OLFM3: variants seen among roughly 807,000 people sequenced by gnomAD.
OLFM3 encodes the protein noelin-3.
OLFM3 carries 20 observed loss-of-function variants against 48.6 expected under a neutral mutation model. The observed-to-expected ratio is 0.41, with a 90% CI of 0.29 to 0.60. The LOEUF (loss-of-function observed/expected upper bound fraction) is 0.60, where lower values mean the gene tolerates loss of function less well. Ranked by LOEUF, OLFM3 falls within the 20% of genes least tolerant of loss-of-function variation. The pLI is 0.28. For missense variants in OLFM3, 437 were observed against 544.3 expected (o/e 0.80, Z 1.96); for synonymous variants, 222 against 198.1 (o/e 1.12, Z -1.01).
chr1:101,841,228 T>C (rs1257464661), intron 1 of OLFM3, among the ~76,000 whole-genome samples: 1 of 152,194 alleles, frequency 6.6e-6, no homozygotes, highest in Non-Finnish European at 1.5e-5. Context: ...TTTTTGCTTA[T>C]AAAATCCCTG....
intron 1 of OLFM3, among the ~76,000 whole-genome samples, chr1:101,927,388 G>A (rs1235865563): frequency 6.6e-6 from 1 of 151,964 alleles, no homozygotes; most frequent in African/African-American, 2.4e-5. Flanking sequence ...CAATATGGAG[G>A]AAGACTTGTC....
chr1:101,911,514 A>G (rs1658760192), intron 1 of OLFM3, among the ~76,000 whole-genome samples: 2 of 152,154 alleles, frequency 1.3e-5, no homozygotes, highest in Admixed American at 1.3e-4. Flanking sequence ...ATAATACTCT[A>G]ATACAGTGGA....
intron 1 of OLFM3, among the ~76,000 whole-genome samples, chr1:101,895,435 ACAC>A (rs1658161469): frequency 2.0e-5 from 3 of 151,916 alleles, no homozygotes; most frequent in Admixed American, 6.6e-5. Flanking sequence ...ACACACACAC[ACAC>A]ACACACACAC....
chr1:101,977,501 T>C (rs1320595981), intron 1 of OLFM3, among the ~76,000 whole-genome samples: 1 of 152,156 alleles, frequency 6.6e-6, no homozygotes, highest in Non-Finnish European at 1.5e-5. Context: ...CAAAGATTTG[T>C]TGGATTAAAA....
intron 4 of OLFM3, among the ~76,000 whole-genome samples, chr1:101,823,741 A>G (rs991218457): frequency 6.6e-6 from 1 of 152,068 alleles, no homozygotes; most frequent in Non-Finnish European, 1.5e-5. Flanking sequence ...TATTATATAT[A>G]GTTGATTGTT....
intron 4 of OLFM3, among the ~76,000 whole-genome samples, chr1:101,821,829 A>T (rs1283442665): frequency 6.6e-6 from 1 of 152,112 alleles, no homozygotes. Context: ...TACCGATTTT[A>T]TTGCTATTTG....
At chr1:101,808,472 G>A (rs1653888141) in intron 4 of OLFM3, among the ~76,000 whole-genome samples, 1 of 151,844 alleles carries the variant, frequency 6.6e-6, no homozygotes, top group Non-Finnish European at 1.5e-5. Flanking sequence ...AGAAACATAA[G>A]TAGAAAGAAT....
intron 1 of OLFM3, among the ~76,000 whole-genome samples, chr1:101,876,345 C>T (rs572767871): frequency 7.4e-4 from 113 of 152,084 alleles, no homozygotes; most frequent in Non-Finnish European, 1.1e-3. Context: ...CTCCTCCATA[C>T]GGCAAGTCCA....
chr1:101,943,086 G>T (rs1253743983), intron 1 of OLFM3, among the ~76,000 whole-genome samples: 1 of 152,156 alleles, frequency 6.6e-6, no homozygotes, highest in Non-Finnish European at 1.5e-5. Context: ...CTTGGCTAGG[G>T]TATAGCCTCT....
chr1:101,838,622 T>C (rs1655551917), intron 1 of OLFM3, among the ~76,000 whole-genome samples: 1 of 152,128 alleles, frequency 6.6e-6, no homozygotes, highest in South Asian at 2.1e-4. Flanking sequence ...TGATATTCCA[T>C]TAAAAAGTTC....
At chr1:101,969,739 T>C (rs1261755194) in intron 1 of OLFM3, among the ~76,000 whole-genome samples, 1 of 152,168 alleles carries the variant, frequency 6.6e-6, no homozygotes, top group Non-Finnish European at 1.5e-5. Context: ...TGGGCTTTTT[T>C]TCCCCCGTCC....
intron 1 of OLFM3, among the ~76,000 whole-genome samples, chr1:101,943,887 T>A (rs1553181761): frequency 6.6e-6 from 1 of 151,702 alleles, no homozygotes; most frequent in Non-Finnish European, 1.5e-5. Flanking sequence ...ACTCTAGAAA[T>A]CCAATAGCCT....
At chr1:101,903,549 G>T (rs1658456134) in intron 1 of OLFM3, among the ~76,000 whole-genome samples, 1 of 151,972 alleles carries the variant, frequency 6.6e-6, no homozygotes, top group South Asian at 2.1e-4. Context: ...AGTTTGTAAG[G>T]CTTATAATAT....
chr1:101,866,815 G>C (rs930675086), intron 1 of OLFM3, among the ~76,000 whole-genome samples: 1 of 152,124 alleles, frequency 6.6e-6, no homozygotes, highest in Non-Finnish European at 1.5e-5. Flanking sequence ...CTCGGTAATG[G>C]AATGTAACAT....
intron 1 of OLFM3, among the ~76,000 whole-genome samples, chr1:101,916,698 T>C (rs1270617802): frequency 1.3e-5 from 2 of 152,224 alleles, no homozygotes; most frequent in Non-Finnish European, 2.9e-5. Context: ...GGCTTGAATC[T>C]GTACTGATTG....
intron 1 of OLFM3, among the ~76,000 whole-genome samples, chr1:101,859,573 A>G (rs1411472449): frequency 6.6e-6 from 1 of 152,146 alleles, no homozygotes; most frequent in African/African-American, 2.4e-5. Flanking sequence ...GGATTTTGAA[A>G]TATTTGCATT....
chr1:101,919,232 A>C, intron 1 of OLFM3, among the ~76,000 whole-genome samples: 1 of 152,184 alleles, frequency 6.6e-6, no homozygotes, highest in East Asian at 1.9e-4. Context: ...TAAATACTTT[A>C]TAAAATCTTT....
chr1:101,847,135 C>T, intron 1 of OLFM3: 1 of 886,944 alleles, frequency 1.1e-6, no homozygotes, highest in Non-Finnish European at 1.4e-6. Context: ...TTCCCCCATC[C>T]TCGTGGGAAG....
At chr1:101,898,868 A>T (rs1301076280) in intron 1 of OLFM3, among the ~76,000 whole-genome samples, 1 of 152,100 alleles carries the variant, frequency 6.6e-6, no homozygotes, top group Non-Finnish European at 1.5e-5. Context: ...CAAACAAACA[A>T]AAAAAACAGA....
Sources: gnomAD v4.1 joint callset for allele counts (sites outside exome capture counted in the v4.1 genomes callset) on GRCh38, gnomAD v4.1.1 for gene constraint, MANE v1.5 for transcripts, NCBI Gene and HGNC (gene_info 2026-07-23, HGNC 2026-07-21) for gene names.